The following TGFBR2 variants were observed in gnomAD, a reference collection of about 807,000 sequenced individuals.
The protein encoded by TGFBR2 is TGF-beta receptor type-2.
TGFBR2 carries 18 observed loss-of-function variants against 49.0 expected under a neutral mutation model. The ratio of observed to expected loss-of-function variants is 0.37; its 90% CI spans 0.25 to 0.54. The LOEUF is 0.54. TGFBR2 is among the 20% of genes least tolerant of loss of function. The probability of loss-of-function intolerance (pLI) is 0.85; values close to 1 mark genes in which losing one functional copy is unlikely to be tolerated. For synonymous variants in TGFBR2, 282 were observed against 275.9 expected (o/e 1.02, Z -0.22); for missense variants, 525 against 722.6 (o/e 0.73, Z 3.13).
At chr3:30,664,660 A>G (rs772414568) in intron 3 of TGFBR2, among the ~76,000 whole-genome samples, 5 of 152,218 alleles carry the variant, frequency 3.3e-5, no homozygotes, top group Non-Finnish European at 7.3e-5. Context: ...GCATGTGCGC[A>G]CACACATGCA....
chr3:30,612,474 G>C (rs1458668513), intron 1 of TGFBR2, among the ~76,000 whole-genome samples: 1 of 152,186 alleles, frequency 6.6e-6, no homozygotes, highest in East Asian at 1.9e-4. Context: ...AATGTCATCA[G>C]TTCAGTGCTC....
At chr3:30,688,976 A>G (rs1699667931) in intron 6 of TGFBR2, among the ~76,000 whole-genome samples, 1 of 152,222 alleles carries the variant, frequency 6.6e-6, no homozygotes. Flanking sequence ...AAGGCTGTGT[A>G]CAGGTGTTTG....
intron 3 of TGFBR2, among the ~76,000 whole-genome samples, chr3:30,653,226 CT>C (rs1698927265): frequency 7.1e-6 from 1 of 140,214 alleles, no homozygotes; most frequent in African/African-American, 2.6e-5. Flanking sequence ...GCCACCATCT[CT>C]TCTTTATCTT....
chr3:30,608,498 G>C (rs1169867787), intron 1 of TGFBR2, among the ~76,000 whole-genome samples: 1 of 152,156 alleles, frequency 6.6e-6, no homozygotes, highest in East Asian at 1.9e-4. Context: ...TAGAGGAGTT[G>C]ACAGTCCACA....
chr3:30,657,484 C>T (rs899145141), intron 3 of TGFBR2, among the ~76,000 whole-genome samples: 2 of 152,094 alleles, frequency 1.3e-5, no homozygotes, highest in Admixed American at 6.5e-5. Context: ...CCAGCTCAGC[C>T]GTGTGTAAGC....
At chr3:30,638,240 G>A (rs1302183686) in intron 1 of TGFBR2, among the ~76,000 whole-genome samples, 1 of 152,048 alleles carries the variant, frequency 6.6e-6, no homozygotes, top group Non-Finnish European at 1.5e-5. Flanking sequence ...AATTCTTCTG[G>A]CACTTGTAGA....
intron 1 of TGFBR2, among the ~76,000 whole-genome samples, chr3:30,629,797 C>T (rs535300898): frequency 6.6e-6 from 1 of 152,200 alleles, no homozygotes; most frequent in South Asian, 2.1e-4. Context: ...ATAAGTACAG[C>T]GCGAGGGTCT....
chr3:30,627,824 A>T (rs550064025), intron 1 of TGFBR2, among the ~76,000 whole-genome samples: 1,974 of 152,154 alleles, frequency 0.013, 51 homozygotes, highest in African/African-American at 0.045. Flanking sequence ...GTTAACTTGA[A>T]TTTAAATAGC....
intron 3 of TGFBR2, among the ~76,000 whole-genome samples, chr3:30,656,725 T>G (rs1301435934): frequency 6.6e-6 from 1 of 152,234 alleles, no homozygotes; most frequent in African/African-American, 2.4e-5. Context: ...ACTGAACTGC[T>G]TATTCTAGAA....
intron 1 of TGFBR2, among the ~76,000 whole-genome samples, chr3:30,608,166 T>C (rs1331641226): frequency 2.0e-5 from 3 of 151,976 alleles, no homozygotes; most frequent in African/African-American, 7.3e-5. Flanking sequence ...CTCGATCTCT[T>C]GACCTCGTGA....
intron 3 of TGFBR2, among the ~76,000 whole-genome samples, chr3:30,661,842 G>A (rs1025903890): frequency 3.9e-5 from 6 of 152,212 alleles, no homozygotes; most frequent in Admixed American, 1.3e-4. Context: ...TAAATAGCAA[G>A]CGTGGTTTCA....
chr3:30,671,287 A>C (rs1699331639), intron 3 of TGFBR2, among the ~76,000 whole-genome samples: 1 of 152,156 alleles, frequency 6.6e-6, no homozygotes, highest in Non-Finnish European at 1.5e-5. Context: ...CAAGAGGTAG[A>C]GTCATAGTTC....
chr3:30,652,435 T>C (rs1397607175), intron 3 of TGFBR2, among the ~76,000 whole-genome samples: 5 of 151,994 alleles, frequency 3.3e-5, no homozygotes, highest in African/African-American at 1.2e-4. Flanking sequence ...AGTTTCACCA[T>C]GTTCGTCAGT....
chr3:30,607,797 AAAATATATATATATATTATATATATAT>A (rs1435768692), intron 1 of TGFBR2, among the ~76,000 whole-genome samples: 215 of 131,702 alleles, frequency 1.6e-3, no homozygotes, highest in Non-Finnish European at 3.0e-3. Flanking sequence ...TAAAAATAAA[AAAATATATATATATATTATATATATAT>A]AAATATATAT....
rs1222842662 is a variant in TGFBR2, at chr3:30,615,910, G to GT, written c.94+8939dup. On this transcript the variant is annotated intron_variant, in intron 1 of 6. Transcript: ENST00000295754. ...ACCGGCCAGTTTTTTGTTTTTTGTT[G>GT]TTTTTTAATTTTTGTAGAGATGGTG... 4.6e-5 allele frequency among the ~76,000 whole-genome samples: 7 copies of GT among 151,882 alleles called. 1 individual carries two copies. In the South Asian group the frequency reaches 1.5e-3, roughly 32 times the overall value.
At chr3:30,687,541 C>G (rs1229800349) in intron 5 of TGFBR2, among the ~76,000 whole-genome samples, 3 of 151,974 alleles carry the variant, frequency 2.0e-5, no homozygotes, top group Non-Finnish European at 2.9e-5. Context: ...AACTTTTTTT[C>G]TAAACACTAC....
intron 1 of TGFBR2, among the ~76,000 whole-genome samples, chr3:30,607,388 C>G (rs534833932): frequency 6.6e-6 from 1 of 152,368 alleles, no homozygotes; most frequent in African/African-American, 2.4e-5. Context: ...GGCGATGCCG[C>G]GTGCCCACCC....
At chr3:30,649,352 C>T (rs1380689219) in intron 2 of TGFBR2, among the ~76,000 whole-genome samples, 1 of 152,076 alleles carries the variant, frequency 6.6e-6, no homozygotes, top group African/African-American at 2.4e-5. Context: ...CCAAAATGTT[C>T]TTTTGTTCAA....
At chr3:30,616,202 T>C (rs1698129792) in intron 1 of TGFBR2, among the ~76,000 whole-genome samples, 1 of 152,196 alleles carries the variant, frequency 6.6e-6, no homozygotes, top group African/African-American at 2.4e-5. Flanking sequence ...GATTTGTTTG[T>C]TGGTTTAGAA....
Sources: allele counts gnomAD v4.1 joint callset (sites outside exome capture counted in the v4.1 genomes callset), GRCh38; gene constraint gnomAD v4.1.1; transcripts MANE v1.5; gene names NCBI Gene and HGNC (gene_info 2026-07-23, HGNC 2026-07-21).